Variants in TMTC2 observed in about 807,000 individuals in gnomAD.
TMTC2 encodes the protein transmembrane O-mannosyltransferase targeting cadherins 2.
Under a neutral mutation model 82.4 loss-of-function variants are expected in TMTC2, and 43 were observed. That is an observed-to-expected ratio of 0.52 (90% CI 0.41 to 0.67). The LOEUF is 0.67. TMTC2 is among the 30% of genes least tolerant of loss of function. The pLI, the probability that TMTC2 is intolerant of heterozygous loss-of-function variation, is 0.00. For missense variants in TMTC2, 919 were observed against 1,012.4 expected (o/e 0.91, Z 1.25); for synonymous variants, 408 against 381.9 (o/e 1.07, Z -0.80).
Position 82,735,641 on chromosome 12 carries a change from A to G in TMTC2, c.83+47972A>G, listed in dbSNP as rs372845346. On this transcript the variant is annotated intron_variant, in intron 1 of 11. Coordinates refer to ENST00000321196, the MANE Select transcript of TMTC2 (RefSeq NM_152588.3). ...ATTACAGGCGTGAGCCACCGCACCC[A>G]GCCCCCCTAATTTTGATTTTTTAAA... Among the ~76,000 whole-genome samples, 327 of 141,856 alleles carry G rather than the reference A, an allele frequency of 2.3e-3. 5 individuals are homozygous for G. The East Asian group carries it at 0.03, about 13-fold the overall frequency. The allele number at this position is 141,856 out of a possible 152,430, so 93.1% of individuals were successfully genotyped here.
intron 1 of TMTC2, among the ~76,000 whole-genome samples, chr12:82,856,002 T>C (rs1385054632): frequency 6.6e-6 from 1 of 152,236 alleles, no homozygotes; most frequent in African/African-American, 2.4e-5. Context: ...GTGTTACTGC[T>C]CTCAACTTGT....
intron 4 of TMTC2, among the ~76,000 whole-genome samples, chr12:82,937,989 A>G (rs997585539): frequency 1.1e-4 from 15 of 142,786 alleles, no homozygotes; most frequent in African/African-American, 4.0e-4. Flanking sequence ...ATCTCAGCTC[A>G]CTGCAACCTC....
chr12:83,013,698 A>C lies in TMTC2; in HGVS notation c.2071-17100A>C, dbSNP rs550301400. On this transcript the variant is annotated intron_variant, in intron 8 of 11. Coordinates refer to ENST00000321196, the MANE Select transcript of TMTC2 (RefSeq NM_152588.3). ...AATAAAATAGTATTTTGAGTAACCT[A>C]ATTTTGCTTCTGTGAAATAGCAGGT... 1.8e-4 allele frequency among the ~76,000 whole-genome samples: 27 copies of C among 152,336 alleles called. No individual in the cohort carries two copies. In the South Asian group the frequency reaches 5.4e-3, roughly 30 times the overall value.
At chr12:82,756,739 G>A (rs888385357) in intron 1 of TMTC2, among the ~76,000 whole-genome samples, 3 of 152,134 alleles carry the variant, frequency 2.0e-5, no homozygotes, top group South Asian at 4.1e-4. Flanking sequence ...TGGCCTAGCA[G>A]CATTTACTTT....
At chr12:82,925,387 A>G (rs181482611) in intron 3 of TMTC2, among the ~76,000 whole-genome samples, 1 of 152,356 alleles carries the variant, frequency 6.6e-6, no homozygotes, top group East Asian at 1.9e-4. Context: ...AAATTAATAA[A>G]TATTTAATAC....
chr12:83,132,628 C>G lies in TMTC2; in HGVS notation c.*239C>G, dbSNP rs1885299757. On this transcript the variant is annotated 3_prime_UTR_variant, in exon 12 of 12. Coordinates refer to ENST00000321196, the MANE Select transcript of TMTC2 (RefSeq NM_152588.3). Reference sequence around the variant, plus strand: ...TCATTGTTACCCATAGACTGTAAACCAGAGCACTTAAAACAGAACCTTTTG... The same window carrying G: ...TCATTGTTACCCATAGACTGTAAACGAGAGCACTTAAAACAGAACCTTTTG... 4.3e-6 allele frequency: 2 copies of G among 462,082 alleles called. No homozygotes were observed. Among genetic ancestry groups the G allele is most frequent in the Admixed American group, 8.8e-5 (2 of 22,610 alleles). The allele number at this position is 462,082 out of a possible 1,614,324, so 28.6% of individuals were successfully genotyped here.
At chr12:82,999,808 A>T (rs1879834526) in intron 8 of TMTC2, among the ~76,000 whole-genome samples, 1 of 152,146 alleles carries the variant, frequency 6.6e-6, no homozygotes, top group Non-Finnish European at 1.5e-5. Flanking sequence ...TGAGATTTGG[A>T]TGGGGACACA....
intron 3 of TMTC2, among the ~76,000 whole-genome samples, chr12:82,916,583 G>A (rs1454177421): frequency 6.6e-6 from 1 of 152,166 alleles, no homozygotes; most frequent in Non-Finnish European, 1.5e-5. Flanking sequence ...ATATGGTAGA[G>A]ATTGCAGATG....
At chr12:82,981,810 A>G (rs1878931136) in intron 7 of TMTC2, among the ~76,000 whole-genome samples, 1 of 151,706 alleles carries the variant, frequency 6.6e-6, no homozygotes, top group African/African-American at 2.4e-5. Flanking sequence ...TGGAATTTTT[A>G]TGATTTCAGC....
chr12:82,720,487 G>A (rs533907402), intron 1 of TMTC2, among the ~76,000 whole-genome samples: 1 of 152,152 alleles, frequency 6.6e-6, no homozygotes, highest in African/African-American at 2.4e-5. Context: ...ATCAGCTGAT[G>A]GCCATTTGAG....
chr12:82,857,360 G>A lies in TMTC2; in HGVS notation c.434G>A (p.Ser145Asn), dbSNP rs1871313574. 1 of 1,614,048 alleles carries A rather than the reference G, an allele frequency of 6.2e-7. No homozygotes were observed. The highest frequency in any genetic ancestry group is 1.7e-5 in the Admixed American group (1 of 60,004). Residue 145 changes from serine to asparagine, a missense_variant, in exon 2 of 12, where the codon AGT becomes AAT. Ser to Asn is a conservative substitution (Grantham distance 46). Transcript: ENST00000321196. ...GIVGRADVGA[S>N]LFFLLSLLCY... ...GTGGGACGAGCCGATGTCGGGGCCA[G>A]TCTCTTCTTTCTCCTCTCCTTGCTC...
chr12:82,894,147 T>C (rs1426392117), intron 2 of TMTC2, among the ~76,000 whole-genome samples: 1 of 152,208 alleles, frequency 6.6e-6, no homozygotes, highest in African/African-American at 2.4e-5. Context: ...TCAGGAGTTC[T>C]ATTTTGGGTA....
intron 8 of TMTC2, among the ~76,000 whole-genome samples, chr12:83,013,507 T>C (rs1880549435): frequency 6.6e-6 from 1 of 152,228 alleles, no homozygotes; most frequent in South Asian, 2.1e-4. Context: ...ATCTGCTGGA[T>C]ATAATGCCTT....
At chr12:82,871,982 A>G (rs1015642661) in intron 2 of TMTC2, among the ~76,000 whole-genome samples, 1 of 150,110 alleles carries the variant, frequency 6.7e-6, no homozygotes, top group African/African-American at 2.5e-5. Flanking sequence ...TTTTTACTCC[A>G]TATTACAAAA....
At chr12:82,810,257 T>G (rs565373871) in intron 1 of TMTC2, among the ~76,000 whole-genome samples, 5 of 151,740 alleles carry the variant, frequency 3.3e-5, no homozygotes, top group Non-Finnish European at 7.4e-5. Context: ...CTGATTACTG[T>G]CAAATGTTAG....
At chr12:82,900,647 T>A (rs1873937275) in intron 3 of TMTC2, among the ~76,000 whole-genome samples, 2 of 143,822 alleles carry the variant, frequency 1.4e-5, no homozygotes, top group Non-Finnish European at 3.0e-5. Flanking sequence ...GGAATATATA[T>A]CTCTGGAATA....
chr12:83,070,488 T>A (rs912393933), intron 11 of TMTC2, among the ~76,000 whole-genome samples: 2 of 152,170 alleles, frequency 1.3e-5, no homozygotes, highest in Non-Finnish European at 2.9e-5. Context: ...TTTGATTCTT[T>A]GCTTGGTTGC....
intron 11 of TMTC2, among the ~76,000 whole-genome samples, chr12:83,063,055 G>A (rs1882798350): frequency 6.6e-6 from 1 of 151,872 alleles, no homozygotes; most frequent in Non-Finnish European, 1.5e-5. Context: ...TGATATGGGA[G>A]CCTTCAGAAA....
Position 83,028,765 on chromosome 12 carries a change from A to G in TMTC2, c.2071-2033A>G, listed in dbSNP as rs562275198. Among the ~76,000 whole-genome samples, 21 of 152,282 alleles carry G rather than the reference A, an allele frequency of 1.4e-4. 1 individual carries two copies. The South Asian group carries it at 3.5e-3, about 26-fold the overall frequency. On this transcript the variant is annotated intron_variant, in intron 8 of 11. Coordinates refer to ENST00000321196, the MANE Select transcript of TMTC2 (RefSeq NM_152588.3). Reference sequence around the variant, plus strand: ...CATACATTAGGCTGCCTGATTTGTTACAGTTACTAAATCATTTAGAGAAAC... The same window carrying G: ...CATACATTAGGCTGCCTGATTTGTTGCAGTTACTAAATCATTTAGAGAAAC...
Sources: allele counts gnomAD v4.1 joint callset (sites outside exome capture counted in the v4.1 genomes callset), GRCh38; gene constraint gnomAD v4.1.1; transcripts MANE v1.5; gene names NCBI Gene and HGNC (gene_info 2026-07-23, HGNC 2026-07-21).